Variants in CHRNA5 observed in about 807,000 individuals in gnomAD.
CHRNA5 encodes cholinergic receptor nicotinic alpha 5 subunit.
Under a neutral mutation model 41.2 loss-of-function variants are expected in CHRNA5, and 28 were observed. That is an observed-to-expected ratio of 0.68 (90% CI 0.50 to 0.93). The LOEUF (loss-of-function observed/expected upper bound fraction) is 0.93. Ranked by LOEUF, CHRNA5 falls within the 40% of genes least tolerant of loss-of-function variation. The pLI is 0.00. For missense variants in CHRNA5, 481 were observed against 581.9 expected (o/e 0.83, Z 1.78); for synonymous variants, 188 against 205.8 (o/e 0.91, Z 0.74).
At chr15:78,582,944 A>AT (rs1054345272) in intron 2 of CHRNA5, among the ~76,000 whole-genome samples, 2 of 152,134 alleles carry the variant, frequency 1.3e-5, no homozygotes, top group African/African-American at 4.8e-5. Flanking sequence ...GGCACTAGCC[A>AT]TTTATTATTC....
chr15:78,590,797 AG>A (rs1458113816), intron 5 of CHRNA5, 161 bp downstream of exon 5: 1 of 641,318 alleles, frequency 1.6e-6, no homozygotes, highest in Non-Finnish European at 2.6e-6. Flanking sequence ...ATCTTTACTA[AG>A]GCTTGTTTCA....
At chr15:78,569,840 A>G (rs2052784645) in intron 1 of CHRNA5, among the ~76,000 whole-genome samples, 1 of 151,368 alleles carries the variant, frequency 6.6e-6, no homozygotes, top group Non-Finnish European at 1.5e-5. Flanking sequence ...TTTTTTCTTG[A>G]GACAGAGTCT....
chr15:78,569,526 C>T (rs150883070), intron 1 of CHRNA5, among the ~76,000 whole-genome samples: 2,363 of 151,034 alleles, frequency 0.016, 54 homozygotes, highest in African/African-American at 0.054. Context: ...CTCTGCCTCC[C>T]GGGTTCACGC....
At chr15:78,590,948 T>C in intron 5 of CHRNA5, 1 of 270,898 alleles carries the variant, frequency 3.7e-6, no homozygotes, top group Admixed American at 5.0e-5. Context: ...TCTGACCTGA[T>C]GAATTGTTTT....
intron 1 of CHRNA5, among the ~76,000 whole-genome samples, chr15:78,578,234 G>T (rs1279835324): frequency 6.6e-6 from 1 of 152,200 alleles, no homozygotes; most frequent in Non-Finnish European, 1.5e-5. Context: ...ACTGCCTGGC[G>T]CAGTGGCTCA....
chr15:78,576,838 G>A (rs2052862512), intron 1 of CHRNA5, among the ~76,000 whole-genome samples: 1 of 151,398 alleles, frequency 6.6e-6, no homozygotes. Context: ...ACTGTCATCA[G>A]CCTATATGTA....
intron 1 of CHRNA5, among the ~76,000 whole-genome samples, chr15:78,567,023 C>CG (rs2052756112): frequency 6.6e-6 from 1 of 152,026 alleles, no homozygotes; most frequent in South Asian, 2.1e-4. Context: ...GAGGCCGAGG[C>CG]GGGCAGATCA....
chr15:78,590,633 T>C, exon 5 of CHRNA5: 6 of 1,603,766 alleles, frequency 3.7e-6, no homozygotes, highest in Non-Finnish European at 5.1e-6. Context: ...ATGATGTCCG[T>C]GAGGTCTGTG....
At position 78,588,500 on chromosome 15, in the gene CHRNA5, C is replaced by G. The variant is rs1245229744; in HGVS notation, c.413+77C>G. The G allele has an allele frequency of 3.0e-6, 2 of 674,958 alleles. No individual in the cohort carries two copies. Among genetic ancestry groups the G allele is most frequent in the Non-Finnish European group, 4.6e-6 (2 of 437,118 alleles). 41.8% of individuals were successfully genotyped at this position (674,958 alleles called of 1,614,324 possible). On this transcript the variant is annotated intron_variant, in intron 4 of 5. Coordinates refer to ENST00000299565, the Ensembl canonical transcript of CHRNA5. The surrounding 1 kb of genome is among the most constrained non-coding windows in gnomAD (Gnocchi z 4.1). ...TTTCTATTAGGCACTAATAATTTTT[C>G]TCCCTTTTGAAATTGTTTAGGTATA... is the stretch of plus-strand genomic sequence containing the variant.
At chr15:78,576,812 A>C (rs1725309420) in intron 1 of CHRNA5, among the ~76,000 whole-genome samples, 1 of 151,710 alleles carries the variant, frequency 6.6e-6, no homozygotes, top group South Asian at 2.1e-4. Flanking sequence ...AAAAAAAAAA[A>C]ACAAAAAAAG....
chr15:78,580,954 GT>G lies in CHRNA5; in HGVS notation c.251del (p.Val84GlyfsTer9). The G allele has an allele frequency of 6.2e-7, 1 of 1,612,972 alleles. No homozygotes were observed. The highest frequency in any genetic ancestry group is 1.1e-5 in the South Asian group (1 of 91,042). On this transcript the variant is annotated frameshift_variant, in exon 2 of 6. Transcript: ENST00000299565. LOFTEE classifies it high-confidence loss of function. ...ATTTGGACTTGCAATATCTCAATTG[GT>G]GGATGTGGTAGGTGTGCATATCCTT...
rs74913206 is a variant in CHRNA5, at chr15:78,588,374, C to T, written c.364C>T (p.Arg122Cys). The stretch of plus-strand genomic sequence containing the variant: ...TGACTATGGTGGAATAAAAGTTATA[C>T]GTGTTCCTTCAGACTCTGTCTGGAC... Residue 122 changes from arginine to cysteine, a missense_variant, in exon 4 of 6, where the codon CGT (arginine) becomes TGT (cysteine). Transcript: ENST00000299565. The surrounding 1 kb of genome is among the most constrained non-coding windows in gnomAD (Gnocchi z 4.1). 17 of 1,589,784 alleles carry T rather than the reference C, an allele frequency of 1.1e-5. No individual in the cohort carries two copies. The highest frequency in any genetic ancestry group is 5.4e-5 in the African/African-American group (4 of 74,310).
At chr15:78,584,568 A>G (rs2052942005) in intron 2 of CHRNA5, among the ~76,000 whole-genome samples, 1 of 152,190 alleles carries the variant, frequency 6.6e-6, no homozygotes, top group Non-Finnish European at 1.5e-5. Flanking sequence ...CTTAGGGGCC[A>G]TTTGTGAACT....
rs563797762 is a variant in CHRNA5, at chr15:78,583,732, G to A, written c.258+2770G>A. ...AAAGAAAAATACTCTTCATTGTTAC[G>A]GGAGTAGGGCAGAGAAGATGATGAG... On this transcript the variant is annotated intron_variant, in intron 2 of 5. Transcript: ENST00000299565. Among the ~76,000 whole-genome samples the A allele has an allele frequency of 6.6e-5, 10 of 152,092 alleles. No individual in the cohort carries two copies. The East Asian group carries it at 1.9e-3, about 29-fold the overall frequency.
At chr15:78,569,456 C>T (rs1195389279) in intron 1 of CHRNA5, among the ~76,000 whole-genome samples, 6 of 135,526 alleles carry the variant, frequency 4.4e-5, no homozygotes, top group Admixed American at 1.6e-4. Context: ...TTTTTTGAGA[C>T]GGAGTCTTGC....
Position 78,588,545 on chromosome 15 carries a change from G to A in CHRNA5, c.413+122G>A, listed in dbSNP as rs114945237. 1.3e-3 allele frequency: 647 copies of A among 491,704 alleles called. 6 individuals carry two copies. The highest frequency in any genetic ancestry group is 8.8e-3 in the African/African-American group (448 of 50,652). 30.5% of individuals were successfully genotyped at this position (491,704 alleles called of 1,614,324 possible). On this transcript the variant is annotated intron_variant, in intron 4 of 5. Coordinates refer to ENST00000299565, the Ensembl canonical transcript of CHRNA5. This position sits in a 1 kb window ranked among gnomAD's most constrained non-coding sequence, Gnocchi z 4.1. ...GGTATAAAAATCAAATGACATGACC[G>A]CATGTGCCTGGGTATGATTACATGT...
rs1162949700 is a variant in CHRNA5 at position 78,565,784 on chromosome 15, GGC to G, written c.68_69del (p.Arg23LeufsTer16). 2.5e-6 allele frequency: 3 copies of G among 1,221,834 alleles called. No homozygotes were observed. Among genetic ancestry groups the G allele is most frequent in the Non-Finnish European group, 2.0e-6 (2 of 981,772 alleles). 75.7% of individuals were successfully genotyped at this position (1,221,834 alleles called of 1,614,324 possible). On this transcript the variant is annotated frameshift_variant, in exon 1 of 6. Transcript: ENST00000299565. LOFTEE classifies it high-confidence loss of function. ...CTGCTCTTGGTCCAGCTGGTCGCGG[GGC>G]GCTGCGGTCTAGCGGGCGCGGCGGG...
At chr15:78,586,775 T>A in intron 3 of CHRNA5, 86 bp downstream of exon 3, 1 of 980,720 alleles carries the variant, frequency 1.0e-6, no homozygotes, top group Non-Finnish European at 1.6e-6. Flanking sequence ...AATACAAGAG[T>A]ATGTATATTT....
chr15:78,589,834 C>G, exon 5 of CHRNA5: 1 of 1,605,486 alleles, frequency 6.2e-7, no homozygotes, highest in Non-Finnish European at 8.5e-7. Context: ...GGGACCAGTA[C>G]GAAAACAGTC....
Sources: gnomAD v4.1 joint callset for allele counts (sites outside exome capture counted in the v4.1 genomes callset) on GRCh38, gnomAD v4.1.1 for gene constraint, Gnocchi (gnomAD v3.1) non-coding constraint, MANE v1.5 for transcripts, NCBI Gene and HGNC (gene_info 2026-07-23, HGNC 2026-07-21) for gene names.